PCDH15: variants seen among roughly 807,000 people sequenced by gnomAD.
PCDH15 encodes protocadherin related 15.
PCDH15 carries 129 observed loss-of-function variants against 178.5 expected under a neutral mutation model. The ratio of observed to expected loss-of-function variants is 0.72; its 90% CI spans 0.63 to 0.84. The LOEUF (loss-of-function observed/expected upper bound fraction) is 0.84. Among genes scored for constraint, PCDH15 ranks in the 40% least tolerant of loss-of-function variants. The pLI is 0.00. For synonymous variants in PCDH15, 800 were observed against 732.0 expected (o/e 1.09, Z -1.50); for missense variants, 2,230 against 2,099.9 (o/e 1.06, Z -1.21).
At chr10:54,739,690 A>T (rs1278281793) in intron 1 of PCDH15, among the ~76,000 whole-genome samples, 2 of 152,014 alleles carry the variant, frequency 1.3e-5, no homozygotes, top group Admixed American at 1.3e-4. Flanking sequence ...AAATATACAC[A>T]TAAGCCAATG....
intron 4 of PCDH15, 39 bp downstream of exon 4, chr10:54,378,742 TA>T (rs753690209): frequency 3.1e-6 from 5 of 1,593,426 alleles, no homozygotes; most frequent in Non-Finnish European, 4.3e-6. Context: ...TAAATTATAA[TA>T]AACTTATATT....
intron 1 of PCDH15, among the ~76,000 whole-genome samples, chr10:54,757,755 G>A (rs1369823321): frequency 6.6e-6 from 1 of 152,128 alleles, no homozygotes; most frequent in East Asian, 1.9e-4. Flanking sequence ...AGAGAGAGAA[G>A]GGCTCCTTTC....
At chr10:54,037,669 T>C (rs1046410601) in intron 18 of PCDH15, among the ~76,000 whole-genome samples, 1 of 151,996 alleles carries the variant, frequency 6.6e-6, no homozygotes, top group African/African-American at 2.4e-5. Flanking sequence ...ATTTGCTGTA[T>C]TACTGTGGTC....
chr10:54,421,931 A>ATATATATATACACTATATATATATACAC (rs1565232489), intron 3 of PCDH15, among the ~76,000 whole-genome samples: 5 of 86,170 alleles, frequency 5.8e-5, no homozygotes, highest in African/African-American at 4.3e-4. Context: ...TATATACACT[A>ATATATATATACACTATATATATATACAC]TATATATATA....
At chr10:54,111,043 A>C (rs1264744649) in intron 15 of PCDH15, among the ~76,000 whole-genome samples, 1 of 152,200 alleles carries the variant, frequency 6.6e-6, no homozygotes, top group African/African-American at 2.4e-5. Context: ...CTCACTAGAC[A>C]ACTGATACTT....
At chr10:55,056,610 T>TTTTTTATTATTA (rs369072989) in intron 2 of PCDH15, among the ~76,000 whole-genome samples, 15 of 142,992 alleles carry the variant, frequency 1.0e-4, no homozygotes, top group African/African-American at 2.8e-4. Context: ...TTTATTTTGT[T>TTTTTTATTATTA]TTATTATTAT....
chr10:55,108,410 A>T (rs1837412066), intron 2 of PCDH15, among the ~76,000 whole-genome samples: 1 of 152,182 alleles, frequency 6.6e-6, no homozygotes, highest in Non-Finnish European at 1.5e-5. Context: ...TTTGTGTAGG[A>T]AGTAGAAAAT....
chr10:54,739,303 A>G (rs182426654), intron 1 of PCDH15, among the ~76,000 whole-genome samples: 43 of 152,080 alleles, frequency 2.8e-4, no homozygotes, highest in Admixed American at 4.6e-4. Context: ...ACAAGAAAGT[A>G]ATTCAATTTA....
At chr10:54,942,195 A>T (rs921983106) in intron 2 of PCDH15, among the ~76,000 whole-genome samples, 2 of 151,946 alleles carry the variant, frequency 1.3e-5, no homozygotes, top group African/African-American at 4.8e-5. Context: ...AAGATACATG[A>T]TGCTCTCTGT....
chr10:54,065,955 T>C (rs1424619155), intron 18 of PCDH15, among the ~76,000 whole-genome samples: 1 of 152,188 alleles, frequency 6.6e-6, no homozygotes, highest in African/African-American at 2.4e-5. Context: ...GCACGCCTTC[T>C]GTGGAAAAGT....
intron 2 of PCDH15, among the ~76,000 whole-genome samples, chr10:54,918,857 G>T (rs549840151): frequency 6.6e-6 from 1 of 152,204 alleles, no homozygotes; most frequent in East Asian, 1.9e-4. Context: ...AATATCTTAA[G>T]TGAAAAATGT....
At chr10:55,506,375 T>C (rs1257946297) in intron 2 of PCDH15, 7 of 151,536 alleles carry the variant, frequency 4.6e-5, no homozygotes, top group Non-Finnish European at 1.0e-4. Flanking sequence ...TGTAATAACA[T>C]AATGCAAGAC....
chr10:54,501,617 T>C (rs1209883999), intron 3 of PCDH15, among the ~76,000 whole-genome samples: 2 of 152,148 alleles, frequency 1.3e-5, no homozygotes, highest in Admixed American at 6.6e-5. Context: ...ACAGCAAAGA[T>C]CACTATTTTA....
At chr10:55,515,627 G>A (rs1011683852) in intron 2 of PCDH15, among the ~76,000 whole-genome samples, 1 of 151,916 alleles carries the variant, frequency 6.6e-6, no homozygotes, top group East Asian at 1.9e-4. Context: ...ATATTGATAT[G>A]TATAGCCCAC....
At chr10:55,289,202 A>T (rs1162834592) in intron 1 of PCDH15, among the ~76,000 whole-genome samples, 1 of 152,078 alleles carries the variant, frequency 6.6e-6, no homozygotes, top group African/African-American at 2.4e-5. Context: ...GAGTCACTAA[A>T]GAAAAACCAG....
intron 2 of PCDH15, among the ~76,000 whole-genome samples, chr10:55,541,529 C>A (rs926162924): frequency 4.6e-5 from 7 of 151,754 alleles, no homozygotes; most frequent in African/African-American, 1.7e-4. Context: ...TATACATTTT[C>A]TTTATTTACT....
intron 20 of PCDH15, among the ~76,000 whole-genome samples, chr10:53,998,166 A>G (rs1223142806): frequency 6.6e-6 from 1 of 152,202 alleles, no homozygotes; most frequent in African/African-American, 2.4e-5. Flanking sequence ...GGGTAGTATT[A>G]GCAAAAAGAA....
chr10:55,168,241 C>A (rs1365106994), intron 1 of PCDH15, among the ~76,000 whole-genome samples: 4 of 152,114 alleles, frequency 2.6e-5, no homozygotes, highest in Admixed American at 6.6e-5. Context: ...CTATCCCCGA[C>A]CCCAAGCCCA....
chr10:55,517,946 C>T (rs1841060240), intron 2 of PCDH15, among the ~76,000 whole-genome samples: 2 of 152,112 alleles, frequency 1.3e-5, no homozygotes, highest in Admixed American at 1.3e-4. Flanking sequence ...AGTTTAGTTT[C>T]TAACAGCTAA....
Sources: allele counts gnomAD v4.1 joint callset (sites outside exome capture counted in the v4.1 genomes callset), GRCh38; gene constraint gnomAD v4.1.1; transcripts MANE v1.5; gene names NCBI Gene and HGNC (gene_info 2026-07-23, HGNC 2026-07-21).